RANBP2: variants seen among roughly 807,000 people sequenced by gnomAD.
The protein encoded by RANBP2 is RAN binding protein 2.
In RANBP2, 57 loss-of-function variants were observed where a neutral mutation model predicts 303.6. The ratio of observed to expected loss-of-function variants is 0.19; its 90% CI spans 0.15 to 0.23. The LOEUF is 0.23. Ranked by LOEUF, RANBP2 falls within the 10% of genes least tolerant of loss-of-function variation. The probability of loss-of-function intolerance (pLI) is 1.00; values close to 1 mark genes in which losing one functional copy is unlikely to be tolerated. For missense variants in RANBP2, 3,138 were observed against 3,780.8 expected (o/e 0.83, Z 4.46); for synonymous variants, 1,167 against 1,301.5 (o/e 0.90, Z 2.23).
At chr2:109,346,164 A>G in the RANBP2 span, among the ~76,000 whole-genome samples, 1 of 152,156 alleles carries the variant, frequency 6.6e-6, no homozygotes, top group African/African-American at 2.4e-5. Flanking sequence ...CAGAATGAGT[A>G]TTATTGGAAG....
the RANBP2 span, chr2:108,798,491 G>A: frequency 6.2e-7 from 1 of 1,613,906 alleles, no homozygotes; most frequent in African/African-American, 1.3e-5. Context: ...TTTTTTACTT[G>A]AAAGAGAACA....
the RANBP2 span, among the ~76,000 whole-genome samples, chr2:109,071,776 T>C: frequency 6.6e-6 from 1 of 152,122 alleles, no homozygotes; most frequent in Admixed American, 6.5e-5. Flanking sequence ...TTGGGATTCA[T>C]TAGCATGTAG....
At chr2:108,788,916 G>A (rs923423074), downstream of RANBP2, 4 of 1,614,126 alleles carry the variant, frequency 2.5e-6, no homozygotes, top group Admixed American at 1.7e-5. Flanking sequence ...ATGAAAGCAA[G>A]CATTGTAGAA....
the RANBP2 span, among the ~76,000 whole-genome samples, chr2:109,448,012 G>A: frequency 4.6e-5 from 7 of 152,142 alleles, no homozygotes; most frequent in Admixed American, 3.9e-4. Context: ...TGGGAGAAAC[G>A]TCTGCTGCTT....
the RANBP2 span, among the ~76,000 whole-genome samples, chr2:108,980,521 T>C: frequency 6.6e-6 from 1 of 152,144 alleles, no homozygotes; most frequent in Admixed American, 6.5e-5. Context: ...TATGTATATA[T>C]TTACATATAT....
At chr2:108,973,611 G>C in the RANBP2 span, among the ~76,000 whole-genome samples, 15 of 152,352 alleles carry the variant, frequency 9.8e-5, no homozygotes, top group South Asian at 3.1e-3. Context: ...GCAGGGTGCT[G>C]GCTGCCTCCG....
chr2:109,441,165 T>TA, the RANBP2 span, among the ~76,000 whole-genome samples: 1 of 139,014 alleles, frequency 7.2e-6, no homozygotes, highest in Admixed American at 7.0e-5. Flanking sequence ...CTCAACAACA[T>TA]AAAAATCACA....
the RANBP2 span, among the ~76,000 whole-genome samples, chr2:108,800,822 C>T: frequency 8.5e-6 from 1 of 118,134 alleles, no homozygotes; most frequent in Non-Finnish European, 1.7e-5. Flanking sequence ...ATTCCCCTTC[C>T]TGTGTCCATG....
chr2:109,102,245 C>T, the RANBP2 span, among the ~76,000 whole-genome samples: 23 of 152,024 alleles, frequency 1.5e-4, no homozygotes, highest in South Asian at 4.2e-3. Flanking sequence ...GGACTACAGG[C>T]GCCTGCCACC....
the RANBP2 span, among the ~76,000 whole-genome samples, chr2:109,737,803 T>G: frequency 6.6e-6 from 1 of 152,266 alleles, no homozygotes; most frequent in South Asian, 2.1e-4. Context: ...CATTGCAGTT[T>G]AGATTTGCAT....
chr2:109,714,189 T>C, the RANBP2 span, among the ~76,000 whole-genome samples: 12 of 152,324 alleles, frequency 7.9e-5, no homozygotes, highest in Non-Finnish European at 1.3e-4. Context: ...CAAGTGATCC[T>C]CCTACCTTAC....
chr2:108,745,695 G>T (rs1361751800), intron 7 of RANBP2, among the ~76,000 whole-genome samples: 3 of 150,900 alleles, frequency 2.0e-5, no homozygotes, highest in Non-Finnish European at 4.4e-5. Context: ...CTCTGAAAAT[G>T]TGTTATCTAC....
chr2:108,774,718 T>C (rs76735784), intron 23 of RANBP2, among the ~76,000 whole-genome samples: 1 of 151,114 alleles, frequency 6.6e-6, no homozygotes, highest in East Asian at 1.9e-4. Context: ...TTTTTTTTTT[T>C]GGCTTTTGAG....
chr2:109,274,794 C>T, the RANBP2 span, among the ~76,000 whole-genome samples: 7 of 151,976 alleles, frequency 4.6e-5, no homozygotes, highest in Admixed American at 1.3e-4. Flanking sequence ...ATGAATTTTG[C>T]ATCAATAAAA....
chr2:109,525,420 T>A, the RANBP2 span, among the ~76,000 whole-genome samples: 13 of 152,194 alleles, frequency 8.5e-5, no homozygotes, highest in Admixed American at 2.6e-4. Context: ...CACCTTGGCC[T>A]CCCAAAGTGC....
chr2:109,211,648 C>CT, the RANBP2 span, among the ~76,000 whole-genome samples: 169 of 142,556 alleles, frequency 1.2e-3, 2 homozygotes, highest in South Asian at 2.2e-3. Context: ...GCATTTCTTT[C>CT]TTTTTTTTTT....
At chr2:109,300,043 A>G in the RANBP2 span, among the ~76,000 whole-genome samples, 5,371 of 152,264 alleles carry the variant, frequency 0.035, 228 homozygotes, top group African/African-American at 0.095. Flanking sequence ...CAGTCACTGC[A>G]TGGGTGAGTG....
chr2:109,189,531 G>T, the RANBP2 span, among the ~76,000 whole-genome samples: 1 of 151,992 alleles, frequency 6.6e-6, no homozygotes, highest in Non-Finnish European at 1.5e-5. Context: ...ACCACGCCCA[G>T]CTAATTTTTG....
the RANBP2 span, among the ~76,000 whole-genome samples, chr2:109,485,848 A>C: frequency 6.6e-6 from 1 of 152,184 alleles, no homozygotes; most frequent in African/African-American, 2.4e-5. Flanking sequence ...CTTGAGAGCC[A>C]GGGCTGCAGC....
Sources: gnomAD v4.1 joint callset for allele counts (sites outside exome capture counted in the v4.1 genomes callset) on GRCh38, gnomAD v4.1.1 for gene constraint, MANE v1.5 for transcripts, NCBI Gene and HGNC (gene_info 2026-07-23, HGNC 2026-07-21) for gene names.